The following FAM135B variants were observed in gnomAD, a reference collection of about 807,000 sequenced individuals.
FAM135B encodes family with sequence similarity 135 member B, also known as protein FAM135B.
FAM135B carries 43 observed loss-of-function variants against 127.7 expected under a neutral mutation model. That is an observed-to-expected ratio of 0.34 (90% confidence interval 0.26 to 0.43). The LOEUF (loss-of-function observed/expected upper bound fraction) is 0.43. FAM135B is among the 20% of genes least tolerant of loss of function. The probability of loss-of-function intolerance (pLI) is 1.00; values close to 1 mark genes in which losing one functional copy is unlikely to be tolerated. For missense variants in FAM135B, 1,558 were observed against 1,725.6 expected (o/e 0.90, Z 1.72); for synonymous variants, 670 against 665.1 (o/e 1.01, Z -0.11).
At chr8:138,279,034 A>C (rs1383314971) in intron 3 of FAM135B, among the ~76,000 whole-genome samples, 1 of 152,198 alleles carries the variant, frequency 6.6e-6, no homozygotes, top group Non-Finnish European at 1.5e-5. Context: ...ATTATTGATA[A>C]TTCTCAGAAG....
At position 138,242,805 on chromosome 8, in the gene FAM135B, G is replaced by A. The variant is rs917820314; in HGVS notation, c.669+137C>T. On this transcript the variant is annotated intron_variant, in intron 7 of 19. Transcript: ENST00000395297. This position sits in a 1 kb window ranked among gnomAD's most constrained non-coding sequence, Gnocchi z 9.6. Reference sequence around the variant, plus strand: ...TTGTAGTGATAAAAACAAGGGGTGGGAAGATGGTGAAAGGAAGGGTCAAAT... The same window carrying A: ...TTGTAGTGATAAAAACAAGGGGTGGAAAGATGGTGAAAGGAAGGGTCAAAT... 1 of 1,129,002 alleles carries A rather than the reference G, an allele frequency of 8.9e-7. No homozygotes were observed. Among genetic ancestry groups the A allele is most frequent in the Non-Finnish European group, 1.2e-6 (1 of 817,902 alleles). 69.9% of individuals were successfully genotyped at this position (1,129,002 alleles called of 1,614,324 possible).
chr8:138,478,099 T>A (rs966229158), intron 1 of FAM135B, among the ~76,000 whole-genome samples: 4 of 152,118 alleles, frequency 2.6e-5, no homozygotes, highest in African/African-American at 9.7e-5. Context: ...CCATGTTAAC[T>A]GGAAGAAAAC....
intron 2 of FAM135B, among the ~76,000 whole-genome samples, chr8:138,362,082 A>C (rs1830453572): frequency 6.6e-6 from 1 of 152,130 alleles, no homozygotes; most frequent in Non-Finnish European, 1.5e-5. Flanking sequence ...CATGGAGAAG[A>C]GAGTATTCAT....
chr8:138,156,693 A>C (rs1232463965), intron 12 of FAM135B, among the ~76,000 whole-genome samples: 14 of 152,100 alleles, frequency 9.2e-5, no homozygotes, highest in South Asian at 6.2e-4. Flanking sequence ...ACTAGAAAAT[A>C]TAGAAGAAAT....
At chr8:138,371,514 G>A (rs936164711) in intron 1 of FAM135B, among the ~76,000 whole-genome samples, 4 of 152,092 alleles carry the variant, frequency 2.6e-5, no homozygotes, top group African/African-American at 9.7e-5. Flanking sequence ...GAGTTCAGGT[G>A]CAAGTTTCTG....
intron 12 of FAM135B, among the ~76,000 whole-genome samples, chr8:138,158,857 G>C (rs1346632992): frequency 2.0e-5 from 3 of 152,178 alleles, no homozygotes; most frequent in East Asian, 1.9e-4. Context: ...CTGTAAACTA[G>C]CTCAACCATT....
chr8:138,339,485 C>G (rs1007259807), intron 2 of FAM135B, among the ~76,000 whole-genome samples: 4 of 151,884 alleles, frequency 2.6e-5, no homozygotes, highest in Non-Finnish European at 4.4e-5. Flanking sequence ...GGGCAGAATG[C>G]CAGGGATGTA....
chr8:138,198,482 C>A (rs540198943), intron 7 of FAM135B, among the ~76,000 whole-genome samples: 12 of 152,244 alleles, frequency 7.9e-5, no homozygotes, highest in Admixed American at 5.9e-4. Flanking sequence ...TTTAGAAAGA[C>A]CCTTGTAGCA....
chr8:138,188,674 A>C (rs1815808251), intron 9 of FAM135B, among the ~76,000 whole-genome samples: 1 of 152,190 alleles, frequency 6.6e-6, no homozygotes, highest in Admixed American at 6.5e-5. Flanking sequence ...AGCCTCAGTC[A>C]TCCCATGCCC....
intron 1 of FAM135B, among the ~76,000 whole-genome samples, chr8:138,429,375 A>T (rs1419434962): frequency 1.3e-5 from 2 of 152,188 alleles, no homozygotes; most frequent in African/African-American, 4.8e-5. Flanking sequence ...TATCATCACC[A>T]TTATTGCTGC....
chr8:138,202,239 C>A (rs1817192109), intron 7 of FAM135B, among the ~76,000 whole-genome samples: 1 of 83,152 alleles, frequency 1.2e-5, no homozygotes, highest in Non-Finnish European at 2.3e-5. Flanking sequence ...ACAGGGCAAA[C>A]AGTCTGTTTT....
At chr8:138,357,440 A>C (rs1206967477) in intron 2 of FAM135B, among the ~76,000 whole-genome samples, 4 of 152,148 alleles carry the variant, frequency 2.6e-5, no homozygotes, top group Admixed American at 2.6e-4. Context: ...TATACACTAC[A>C]TTTTTGTGAA....
intron 1 of FAM135B, among the ~76,000 whole-genome samples, chr8:138,374,766 C>T (rs554957255): frequency 1.3e-5 from 2 of 152,174 alleles, no homozygotes. Flanking sequence ...CAAGAAAGCC[C>T]TTTCTCCACT....
intron 1 of FAM135B, among the ~76,000 whole-genome samples, chr8:138,415,173 T>G (rs574078961): frequency 6.6e-6 from 1 of 152,158 alleles, no homozygotes; most frequent in Non-Finnish European, 1.5e-5. Flanking sequence ...CACAGAAAAG[T>G]GAGGAGAAAT....
chr8:138,426,536 T>A (rs763724642), intron 1 of FAM135B, among the ~76,000 whole-genome samples: 19 of 150,988 alleles, frequency 1.3e-4, no homozygotes, highest in Non-Finnish European at 2.5e-4. Context: ...TACATATATA[T>A]AATGTGTATA....
chr8:138,196,542 TTTTTACGTGATGA>T (rs1816646581), intron 8 of FAM135B, among the ~76,000 whole-genome samples: 1 of 152,102 alleles, frequency 6.6e-6, no homozygotes, highest in Non-Finnish European at 1.5e-5. Flanking sequence ...GCAAATAAAT[TTTTTACGTGATGA>T]TTTCAGTGCA....
chr8:138,308,386 G>A (rs1464602868), intron 3 of FAM135B, among the ~76,000 whole-genome samples: 3 of 152,186 alleles, frequency 2.0e-5, no homozygotes, highest in Non-Finnish European at 4.4e-5. Context: ...ATTGTTAAAA[G>A]TCACAAGTTT....
intron 7 of FAM135B, among the ~76,000 whole-genome samples, chr8:138,229,247 C>A (rs1209358667): frequency 6.6e-6 from 1 of 152,096 alleles, no homozygotes; most frequent in Non-Finnish European, 1.5e-5. Flanking sequence ...CTTCATGGGG[C>A]CTGCTAGAAC....
chr8:138,145,661 C>T (rs1817589661), intron 15 of FAM135B, among the ~76,000 whole-genome samples: 1 of 152,216 alleles, frequency 6.6e-6, no homozygotes, highest in African/African-American at 2.4e-5. Flanking sequence ...TGAGCGCCAA[C>T]AGTTAGGAAG....
Sources: allele counts gnomAD v4.1 joint callset (sites outside exome capture counted in the v4.1 genomes callset), GRCh38; gene constraint gnomAD v4.1.1; non-coding constraint Gnocchi (gnomAD v3.1); transcripts MANE v1.5; gene names NCBI Gene and HGNC (gene_info 2026-07-23, HGNC 2026-07-21).